Variants in USH2A observed in about 807,000 individuals in gnomAD.
USH2A encodes usherin.
Under a neutral mutation model 538.9 loss-of-function variants are expected in USH2A, and 443 were observed. The observed-to-expected ratio is 0.82, with a 90% confidence interval of 0.76 to 0.89. The LOEUF is 0.89. Among genes scored for constraint, USH2A ranks in the 40% least tolerant of loss-of-function variants. The pLI, the probability that USH2A is intolerant of heterozygous loss-of-function variation, is 0.00. For missense variants in USH2A, 6,633 were observed against 6,324.8 expected (o/e 1.05, Z -1.65); for synonymous variants, 2,413 against 2,273.5 (o/e 1.06, Z -1.75).
At chr1:215,779,662 G>T (rs901233894) in intron 55 of USH2A, among the ~76,000 whole-genome samples, 181 bp downstream of exon 55, 1 of 152,186 alleles carries the variant, frequency 6.6e-6, no homozygotes, top group Non-Finnish European at 1.5e-5. Flanking sequence ...CTGTTGTGGC[G>T]TATTGCTGCC....
intron 69 of USH2A, among the ~76,000 whole-genome samples, chr1:215,635,950 C>T (rs897935144): frequency 7.0e-6 from 1 of 142,780 alleles, no homozygotes; most frequent in Admixed American, 7.4e-5. Flanking sequence ...GTCAGCTTGG[C>T]AAGCTAAGCA....
At chr1:215,753,381 A>G (rs1660683295) in intron 58 of USH2A, among the ~76,000 whole-genome samples, 1 of 152,164 alleles carries the variant, frequency 6.6e-6, no homozygotes, top group Non-Finnish European at 1.5e-5. Flanking sequence ...TTGCGGCACT[A>G]TTCACAATAG....
intron 11 of USH2A, among the ~76,000 whole-genome samples, chr1:216,277,236 C>T (rs1254719208): frequency 6.6e-6 from 1 of 152,128 alleles, no homozygotes; most frequent in Non-Finnish European, 1.5e-5. Context: ...CAGCCCCCTC[C>T]TCTGGGAACA....
chr1:215,918,834 A>G (rs1340828791), intron 38 of USH2A, among the ~76,000 whole-genome samples: 1 of 152,102 alleles, frequency 6.6e-6, no homozygotes, highest in Non-Finnish European at 1.5e-5. Context: ...TCAGGCTATC[A>G]GTGATAGTTA....
intron 49 of USH2A, among the ~76,000 whole-genome samples, chr1:215,800,804 CAT>C (rs948556045): frequency 6.6e-6 from 1 of 151,828 alleles, no homozygotes; most frequent in Non-Finnish European, 1.5e-5. Context: ...TTACTAGAAA[CAT>C]ACAACTTACC....
Position 216,205,045 on chromosome 1 carries a change from C to G in USH2A, c.3316+2228G>C, listed in dbSNP as rs138852660. Among the ~76,000 whole-genome samples, 386 of 152,272 alleles carry G rather than the reference C, an allele frequency of 2.5e-3. 1 individual carries two copies. Among genetic ancestry groups the G allele is most frequent in the African/African-American group, 8.5e-3 (352 of 41,570 alleles). Reference sequence around the variant, plus strand: ...ATCGTCAAAAACAGCCAATGTTGTACTAACATGTGATGTTCTATAAAATAG... The same window carrying G: ...ATCGTCAAAAACAGCCAATGTTGTAGTAACATGTGATGTTCTATAAAATAG... On this transcript the variant is annotated intron_variant, in intron 16 of 71. Transcript: ENST00000307340.
intron 55 of USH2A, among the ~76,000 whole-genome samples, chr1:215,773,376 T>G (rs867276671): frequency 6.6e-6 from 1 of 152,078 alleles, no homozygotes; most frequent in African/African-American, 2.4e-5. Context: ...AATGTCATAC[T>G]TGATCGAACC....
intron 4 of USH2A, among the ~76,000 whole-genome samples, chr1:216,361,112 C>A (rs1330635604): frequency 2.0e-5 from 3 of 152,012 alleles, no homozygotes; most frequent in African/African-American, 7.2e-5. Flanking sequence ...TTCACATATA[C>A]AGAGACCTGA....
chr1:216,210,884 G>C (rs935052530), intron 15 of USH2A, among the ~76,000 whole-genome samples: 1 of 152,054 alleles, frequency 6.6e-6, no homozygotes, highest in Admixed American at 6.5e-5. Context: ...GGCAGGCTCA[G>C]GCGGAAGAAT....
intron 40 of USH2A, among the ~76,000 whole-genome samples, chr1:215,891,440 G>A (rs558845002): frequency 6.6e-6 from 1 of 152,264 alleles, no homozygotes; most frequent in Non-Finnish European, 1.5e-5. Context: ...AAAATGATAA[G>A]CCGAATCATC....
intron 21 of USH2A, among the ~76,000 whole-genome samples, chr1:216,149,725 A>T (rs1219439141): frequency 6.6e-6 from 1 of 152,036 alleles, no homozygotes; most frequent in African/African-American, 2.4e-5. Context: ...CCTACTCCAG[A>T]TCCCCAGCCA....
intron 15 of USH2A, among the ~76,000 whole-genome samples, chr1:216,216,596 G>C (rs190529581): frequency 2.4e-4 from 36 of 152,098 alleles, no homozygotes; most frequent in Admixed American, 1.5e-3. Flanking sequence ...CCTACCACAT[G>C]TTCCCAGCAG....
rs778317255 is a variant in USH2A, at chr1:215,813,941, T to C, written c.9571-37A>G. 36 of 1,607,928 alleles carry C rather than the reference T, an allele frequency of 2.2e-5. 2 individuals carry two copies. In the South Asian group the frequency reaches 3.2e-4, roughly 14 times the overall value. On this transcript the variant is annotated intron_variant, in intron 48 of 71. Coordinates refer to ENST00000307340, the MANE Select transcript of USH2A (RefSeq NM_206933.4). ...AAAACAGTTTTAAAGAAATATCAGTTTAGTTAAGAGTGTTATACCACTGTA... is the reference window on the plus strand; with the variant it reads ...AAAACAGTTTTAAAGAAATATCAGTCTAGTTAAGAGTGTTATACCACTGTA...
intron 21 of USH2A, among the ~76,000 whole-genome samples, chr1:216,109,666 C>G (rs1373701932): frequency 6.6e-6 from 1 of 152,108 alleles, no homozygotes; most frequent in Non-Finnish European, 1.5e-5. Context: ...TCTCTTGACT[C>G]CAGTCAATTT....
At chr1:216,061,908 G>A (rs1384535056) in intron 30 of USH2A, among the ~76,000 whole-genome samples, 1 of 152,158 alleles carries the variant, frequency 6.6e-6, no homozygotes, top group Non-Finnish European at 1.5e-5. Flanking sequence ...TGGCTGCGCG[G>A]CTAATGCAAA....
chr1:216,250,399 T>C (rs2036134479), intron 12 of USH2A, among the ~76,000 whole-genome samples: 1 of 152,186 alleles, frequency 6.6e-6, no homozygotes, highest in African/African-American at 2.4e-5. Context: ...TAGAATTATG[T>C]TGACTTATTT....
At chr1:215,678,172 T>G (rs138561630) in intron 62 of USH2A, among the ~76,000 whole-genome samples, 2,151 of 152,340 alleles carry the variant, frequency 0.014, 16 homozygotes, top group Non-Finnish European at 0.021. Flanking sequence ...GGTCCTTATA[T>G]AGTCCATTTT....
At chr1:215,643,338 C>T (rs1409973115) in intron 67 of USH2A, among the ~76,000 whole-genome samples, 3 of 152,158 alleles carry the variant, frequency 2.0e-5, no homozygotes, top group East Asian at 1.9e-4. Context: ...TGCATGTTTT[C>T]GTGCTCCCAG....
At chr1:215,964,472 A>C (rs1667283783) in intron 37 of USH2A, among the ~76,000 whole-genome samples, 1 of 152,152 alleles carries the variant, frequency 6.6e-6, no homozygotes, top group Admixed American at 6.6e-5. Flanking sequence ...GGATGTTATT[A>C]AGTATTACAA....
Sources: gnomAD v4.1 joint callset for allele counts (sites outside exome capture counted in the v4.1 genomes callset) on GRCh38, gnomAD v4.1.1 for gene constraint, MANE v1.5 for transcripts, NCBI Gene and HGNC (gene_info 2026-07-23, HGNC 2026-07-21) for gene names.